STK32B: variants seen among roughly 807,000 people sequenced by gnomAD.
The protein encoded by STK32B is serine/threonine-protein kinase 32B.
In STK32B, 43 loss-of-function variants were observed where a neutral mutation model predicts 52.6. The ratio of observed to expected loss-of-function variants is 0.82; its 90% CI spans 0.64 to 1.05. The LOEUF (loss-of-function observed/expected upper bound fraction) is 1.05, where lower values mean the gene tolerates loss of function less well. STK32B is among the 50% of genes least tolerant of loss of function. The probability of loss-of-function intolerance (pLI) is 0.00; values close to 1 mark genes in which losing one functional copy is unlikely to be tolerated. For synonymous variants in STK32B, 238 were observed against 204.3 expected (o/e 1.17, Z -1.41); for missense variants, 621 against 534.6 (o/e 1.16, Z -1.59).
At chr4:5,423,675 G>C (rs1333121156) in intron 6 of STK32B, among the ~76,000 whole-genome samples, 1 of 152,202 alleles carries the variant, frequency 6.6e-6, no homozygotes, top group African/African-American at 2.4e-5. Flanking sequence ...CACTGCAGGG[G>C]CTGGGTTGGC....
intron 11 of STK32B, among the ~76,000 whole-genome samples, chr4:5,474,760 A>G (rs993209460): frequency 6.6e-6 from 1 of 152,150 alleles, no homozygotes; most frequent in Non-Finnish European, 1.5e-5. Context: ...TTCTCATTCC[A>G]TTCTCCTTGA....
intron 3 of STK32B, among the ~76,000 whole-genome samples, chr4:5,182,524 C>T (rs1355128631): frequency 1.3e-5 from 2 of 151,522 alleles, no homozygotes; most frequent in South Asian, 2.1e-4. Flanking sequence ...TGCAGTGATG[C>T]GATCTCAGCT....
chr4:5,453,489 A>G lies in STK32B; in HGVS notation c.667-3318A>G, dbSNP rs1716199569. 6.6e-6 allele frequency among the ~76,000 whole-genome samples: 1 copy of G among 152,128 alleles called. No homozygotes were observed. Among genetic ancestry groups the G allele is most frequent in the South Asian group, 2.1e-4 (1 of 4,824 alleles). Reference sequence around the variant, plus strand: ...CCTCAGTTTCCTGACGTTTGAAATGAGGGATGAAGTGCCCCATCATTGTCC... The same window carrying G: ...CCTCAGTTTCCTGACGTTTGAAATGGGGGATGAAGTGCCCCATCATTGTCC... On this transcript the variant is annotated intron_variant, in intron 7 of 11. Coordinates refer to ENST00000282908, the MANE Select transcript of STK32B (RefSeq NM_018401.3). The surrounding 1 kb of genome is among the most constrained non-coding windows in gnomAD (Gnocchi z 4.0).
chr4:5,317,072 T>C (rs867204670), intron 3 of STK32B, among the ~76,000 whole-genome samples: 1 of 30,630 alleles, frequency 3.3e-5, no homozygotes, highest in Non-Finnish European at 4.4e-5. Context: ...TATAATATAT[T>C]ATATATTATA....
intron 2 of STK32B, among the ~76,000 whole-genome samples, chr4:5,145,695 A>G (rs972201234): frequency 6.6e-6 from 1 of 152,188 alleles, no homozygotes; most frequent in Non-Finnish European, 1.5e-5. Context: ...GCTATTGTTT[A>G]AAAAATGGGT....
chr4:5,485,424 G>A (rs1719075638), intron 11 of STK32B, among the ~76,000 whole-genome samples: 1 of 152,128 alleles, frequency 6.6e-6, no homozygotes, highest in Non-Finnish European at 1.5e-5. Flanking sequence ...CTCGTGCCAT[G>A]GTTTTCAGCT....
chr4:5,463,646 C>T (rs1717208283), intron 9 of STK32B, among the ~76,000 whole-genome samples: 1 of 152,104 alleles, frequency 6.6e-6, no homozygotes, highest in South Asian at 2.1e-4. Context: ...CACTCCCATA[C>T]AAACACACAC....
the STK32B span, among the ~76,000 whole-genome samples, chr4:5,038,877 T>C: frequency 6.6e-6 from 1 of 152,114 alleles, no homozygotes; most frequent in Non-Finnish European, 1.5e-5. Context: ...TAACTTACTA[T>C]AACTTTTTTT....
chr4:5,455,110 G>C (rs1279391087), intron 7 of STK32B, among the ~76,000 whole-genome samples: 1 of 152,152 alleles, frequency 6.6e-6, no homozygotes, highest in Non-Finnish European at 1.5e-5. Flanking sequence ...TGAGGGGGCA[G>C]AGGCGCACCC....
chr4:5,456,582 G>A (rs1716538536), intron 7 of STK32B, among the ~76,000 whole-genome samples: 1 of 152,142 alleles, frequency 6.6e-6, no homozygotes, highest in African/African-American at 2.4e-5. Context: ...CTAACATGCT[G>A]TGGCCACAGC....
At chr4:5,172,657 C>G (rs145397506) in intron 3 of STK32B, among the ~76,000 whole-genome samples, 28,949 of 151,912 alleles carry the variant, frequency 0.19, 3,490 homozygotes, top group East Asian at 0.36. Context: ...CAGGGATGAA[C>G]CCCACTTGAT....
chr4:5,338,037 A>T (rs1269937189), intron 4 of STK32B, among the ~76,000 whole-genome samples: 1 of 152,170 alleles, frequency 6.6e-6, no homozygotes, highest in Non-Finnish European at 1.5e-5. Flanking sequence ...AGAGATAAGG[A>T]GTTAGATACC....
rs35134769 is a variant in STK32B at position 5,221,854 on chromosome 4, CAAAA to C, written c.260+53423_260+53426del. On this transcript the variant is annotated intron_variant, in intron 3 of 11. Transcript: ENST00000282908. ...CTGGAGACAGAGCAAGACTCTGTCT[CAAAA>C]AAAAAAAAAAAAAAAAAATTCAGGT... Among the ~76,000 whole-genome samples the C allele has an allele frequency of 5.9e-3, 481 of 81,142 alleles. 1 individual carries two copies. Among genetic ancestry groups the C allele is most frequent in the Non-Finnish European group, 7.6e-3 (315 of 41,652 alleles). 53.2% of individuals were successfully genotyped at this position (81,142 alleles called of 152,430 possible).
intron 5 of STK32B, among the ~76,000 whole-genome samples, chr4:5,407,511 A>C (rs968085042): frequency 6.6e-6 from 1 of 152,130 alleles, no homozygotes; most frequent in African/African-American, 2.4e-5. Context: ...AGACTAGGTA[A>C]TTTATGAAGA....
chr4:5,372,061 G>A (rs188443580), intron 4 of STK32B, among the ~76,000 whole-genome samples: 8 of 152,358 alleles, frequency 5.3e-5, no homozygotes, highest in Admixed American at 2.0e-4. Flanking sequence ...GCAGGCAGGC[G>A]AGCAGATACA....
Position 5,396,544 on chromosome 4 carries a change from G to T in STK32B, c.435-1663G>T, listed in dbSNP as rs1201929723. ...CGCCAGATCACATCTTCTTGGGTCT[G>T]TCACCCCACCCTCACCTCACCTGTG... is the stretch of plus-strand genomic sequence containing the variant. On this transcript the variant is annotated intron_variant, in intron 4 of 11. Coordinates refer to ENST00000282908, the MANE Select transcript of STK32B (RefSeq NM_018401.3). The surrounding 1 kb of genome is among the most constrained non-coding windows in gnomAD (Gnocchi z 4.7). Among the ~76,000 whole-genome samples, 1 of 152,134 alleles carries T rather than the reference G, an allele frequency of 6.6e-6. No homozygotes were observed.
intron 1 of STK32B, among the ~76,000 whole-genome samples, chr4:5,115,985 G>A (rs1258835251): frequency 1.3e-5 from 2 of 152,132 alleles, no homozygotes; most frequent in African/African-American, 4.8e-5. Flanking sequence ...CTTCTGCTAC[G>A]TGGCAGGACT....
At chr4:5,369,556 C>A (rs888709906) in intron 4 of STK32B, among the ~76,000 whole-genome samples, 1 of 152,060 alleles carries the variant, frequency 6.6e-6, no homozygotes. Context: ...ACTCTTTAGC[C>A]CCTCTCTTGG....
At chr4:5,025,524 A>G in the STK32B span, among the ~76,000 whole-genome samples, 2 of 151,912 alleles carry the variant, frequency 1.3e-5, no homozygotes, top group Admixed American at 6.6e-5. Context: ...CTACTCCTTT[A>G]CCCTGTTGGT....
Sources: allele counts gnomAD v4.1 joint callset (sites outside exome capture counted in the v4.1 genomes callset), GRCh38; gene constraint gnomAD v4.1.1; non-coding constraint Gnocchi (gnomAD v3.1); transcripts MANE v1.5; gene names NCBI Gene and HGNC (gene_info 2026-07-23, HGNC 2026-07-21).